Variants in UNC13C observed in about 807,000 individuals in gnomAD.
UNC13C encodes the protein unc-13 homolog C.
In UNC13C, 174 loss-of-function variants were observed where a neutral mutation model predicts 245.4. The ratio of observed to expected loss-of-function variants is 0.71; its 90% CI spans 0.63 to 0.80. The LOEUF is 0.80. UNC13C is among the 30% of genes least tolerant of loss of function. UNC13C has a pLI of 0.00. For missense variants in UNC13C, 2,829 were observed against 2,602.9 expected (o/e 1.09, Z -1.89); for synonymous variants, 992 against 895.1 (o/e 1.11, Z -1.93).
rs1253475871 is a variant in UNC13C, at chr15:54,525,568, C to T, written c.5477C>T (p.Thr1826Ile). ...CTGCAGCTAGATTCTGAAGCTAGTA[C>T]TATTCTAAAAGAACTTCAGGTTAAG... ...GGKELDSEAS[T>I]ILKELQVKLS... The change falls in exon 25 of 33, where the codon ACT (threonine) becomes ATT (isoleucine). Residue 1826 changes from threonine to isoleucine, a missense_variant. Coordinates refer to ENST00000260323, the MANE Select transcript of UNC13C (RefSeq NM_001080534.3). The T allele has an allele frequency of 7.4e-6, 12 of 1,612,608 alleles. No individual in the cohort carries two copies. The highest frequency in any genetic ancestry group is 1.0e-5 in the Non-Finnish European group (12 of 1,179,326).
At chr15:54,026,469 G>A (rs1344999402) in intron 2 of UNC13C, among the ~76,000 whole-genome samples, 2 of 152,142 alleles carry the variant, frequency 1.3e-5, no homozygotes, top group African/African-American at 2.4e-5. Flanking sequence ...TTGGGACTGC[G>A]TCAAGGGTAT....
the UNC13C span, among the ~76,000 whole-genome samples, chr15:53,885,294 G>A: frequency 6.6e-6 from 1 of 152,130 alleles, no homozygotes; most frequent in Non-Finnish European, 1.5e-5. Context: ...CTTCCCTAAG[G>A]TGGGGCATAA....
Position 54,442,154 on chromosome 15 carries a change from C to CT in UNC13C, c.4933+27094dup, listed in dbSNP as rs547791503. On this transcript the variant is annotated intron_variant, in intron 19 of 32. Coordinates refer to ENST00000260323, the MANE Select transcript of UNC13C (RefSeq NM_001080534.3). ...CTTATTCTTTTTCCAATTTTGATGC[C>CT]TTTTTTTCTTTTTCTTGCCTGATTG... Among the ~76,000 whole-genome samples the CT allele has an allele frequency of 3.6e-4, 54 of 151,014 alleles. 1 individual carries two copies. The East Asian group carries it at 5.8e-3, about 16-fold the overall frequency.
At chr15:54,188,960 C>T (rs574409618) in intron 4 of UNC13C, among the ~76,000 whole-genome samples, 1 of 152,104 alleles carries the variant, frequency 6.6e-6, no homozygotes, top group Non-Finnish European at 1.5e-5. Flanking sequence ...CGTATGCTTA[C>T]ATAATACCGT....
intron 8 of UNC13C, among the ~76,000 whole-genome samples, chr15:54,252,215 T>C (rs1175940148): frequency 6.6e-6 from 1 of 152,082 alleles, no homozygotes; most frequent in African/African-American, 2.4e-5. Flanking sequence ...AAAAAAATGA[T>C]GCCACTCATA....
intron 7 of UNC13C, 126 bp from the exon 8 acceptor site, chr15:54,250,099 C>T: frequency 2.4e-6 from 2 of 833,636 alleles, no homozygotes; most frequent in African/African-American, 1.7e-5. Context: ...TGACTTGAAT[C>T]AGTGATCCAG....
chr15:53,860,357 A>G, the UNC13C span, among the ~76,000 whole-genome samples: 19,249 of 152,184 alleles, frequency 0.13, 1,384 homozygotes, highest in Admixed American at 0.2. Flanking sequence ...GAGGATCCTC[A>G]GGGAGGTAAC....
intron 30 of UNC13C, among the ~76,000 whole-genome samples, chr15:54,604,712 G>A (rs920891308): frequency 6.6e-5 from 10 of 152,148 alleles, no homozygotes; most frequent in African/African-American, 2.2e-4. Context: ...CCTCTTTCCA[G>A]TGCCAGCACA....
chr15:53,919,015 C>G, the UNC13C span, among the ~76,000 whole-genome samples: 1 of 152,338 alleles, frequency 6.6e-6, no homozygotes, highest in South Asian at 2.1e-4. Flanking sequence ...GTATAGGAAG[C>G]TCTATACTTA....
intron 2 of UNC13C, among the ~76,000 whole-genome samples, chr15:54,061,234 A>G (rs1048454366): frequency 3.3e-5 from 5 of 152,126 alleles, no homozygotes; most frequent in Admixed American, 2.6e-4. Flanking sequence ...ACTAGAAAGG[A>G]CTAGAGTACT....
At chr15:54,060,171 T>C (rs1247957952) in intron 2 of UNC13C, among the ~76,000 whole-genome samples, 1 of 151,908 alleles carries the variant, frequency 6.6e-6, no homozygotes, top group Admixed American at 6.6e-5. Flanking sequence ...ACCATCAGAG[T>C]GAACAGGCAA....
chr15:53,969,541 C>T, the UNC13C span, among the ~76,000 whole-genome samples: 8 of 151,788 alleles, frequency 5.3e-5, no homozygotes, highest in African/African-American at 9.7e-5. Context: ...AAAAAAATAG[C>T]CAGGCATGGT....
At chr15:54,570,614 A>G (rs1897711537) in intron 30 of UNC13C, among the ~76,000 whole-genome samples, 2 of 152,118 alleles carry the variant, frequency 1.3e-5, no homozygotes, top group African/African-American at 4.8e-5. Context: ...TTTTGATTCT[A>G]TCACAATCCC....
chr15:54,509,146 C>T (rs1255559718), intron 23 of UNC13C, among the ~76,000 whole-genome samples: 5 of 152,266 alleles, frequency 3.3e-5, no homozygotes, highest in Middle Eastern at 3.4e-3. Context: ...TTGCAGTGAG[C>T]CAAGATTGTG....
intron 13 of UNC13C, among the ~76,000 whole-genome samples, chr15:54,309,251 GA>G (rs1322114706): frequency 6.6e-6 from 1 of 151,850 alleles, no homozygotes; most frequent in Non-Finnish European, 1.5e-5. Context: ...TTTCTCTGAT[GA>G]TTAGTGATGT....
At chr15:54,481,165 T>G (rs1253803113) in intron 19 of UNC13C, among the ~76,000 whole-genome samples, 7 of 147,100 alleles carry the variant, frequency 4.8e-5, no homozygotes, top group African/African-American at 1.8e-4. Flanking sequence ...GCTGCCGTTA[T>G]TAGTGGAGGC....
chr15:53,953,915 C>T, the UNC13C span, among the ~76,000 whole-genome samples: 11 of 152,346 alleles, frequency 7.2e-5, no homozygotes, highest in East Asian at 5.8e-4. Context: ...ATAGATGCTA[C>T]GTGCAGTTGG....
intron 8 of UNC13C, among the ~76,000 whole-genome samples, chr15:54,253,473 C>A (rs1473543238): frequency 1.3e-5 from 2 of 152,168 alleles, no homozygotes; most frequent in Non-Finnish European, 2.9e-5. Flanking sequence ...ACAGGGAGAA[C>A]AATGAGAAAA....
the UNC13C span, among the ~76,000 whole-genome samples, chr15:53,917,014 T>A: frequency 1.3e-5 from 2 of 152,240 alleles, no homozygotes; most frequent in African/African-American, 4.8e-5. Flanking sequence ...CAGACTATGA[T>A]TTGAAATTAA....
Sources: allele counts gnomAD v4.1 joint callset (sites outside exome capture counted in the v4.1 genomes callset), GRCh38; gene constraint gnomAD v4.1.1; transcripts MANE v1.5; gene names NCBI Gene and HGNC (gene_info 2026-07-23, HGNC 2026-07-21).